The following KCNJ6 variants were observed in gnomAD, a reference collection of about 807,000 sequenced individuals.
KCNJ6 encodes the protein potassium inwardly rectifying channel subfamily J member 6.
A neutral mutation model predicts 34.2 loss-of-function variants in KCNJ6; 9 were observed. The observed-to-expected ratio is 0.26, with a 90% CI of 0.16 to 0.46. The LOEUF (loss-of-function observed/expected upper bound fraction) is 0.46. Among genes scored for constraint, KCNJ6 ranks in the 20% least tolerant of loss-of-function variants. The pLI, the probability that KCNJ6 is intolerant of heterozygous loss-of-function variation, is 1.00. For synonymous variants in KCNJ6, 196 were observed against 207.1 expected, an observed-to-expected ratio of 0.95 and a Z score of 0.46; for missense variants, 236 against 531.3, an observed-to-expected ratio of 0.44 and a Z score of 5.46.
chr21:37,797,528 AATT>A (rs1182501827), intron 2 of KCNJ6, among the ~76,000 whole-genome samples: 1 of 152,202 alleles, frequency 6.6e-6, no homozygotes, highest in African/African-American at 2.4e-5. Context: ...TCCCTGACAG[AATT>A]ATAACACCAA....
At chr21:37,752,464 C>T (rs191574710) in intron 2 of KCNJ6, among the ~76,000 whole-genome samples, 122 of 152,168 alleles carry the variant, frequency 8.0e-4, no homozygotes, top group African/African-American at 2.8e-3. Flanking sequence ...AATAGAGAAG[C>T]CAACAGCAGC....
At chr21:37,711,797 A>ACCC (rs369492998) in intron 3 of KCNJ6, among the ~76,000 whole-genome samples, 6,188 of 142,328 alleles carry the variant, frequency 0.043, 148 homozygotes, top group Non-Finnish European at 0.06. Context: ...ACTTTCTAGA[A>ACCC]CCCCCCCCCC....
intron 2 of KCNJ6, among the ~76,000 whole-genome samples, chr21:37,771,835 A>G (rs2055119204): frequency 6.6e-6 from 1 of 152,200 alleles, no homozygotes; most frequent in African/African-American, 2.4e-5. Context: ...CTCTGGGCAA[A>G]TAAGTCTGAG....
At position 37,667,275 on chromosome 21, in the gene KCNJ6, T is replaced by C. The variant is rs568111849; in HGVS notation, c.947-41791A>G. ...GTGAGTTCCTTTTGTTCCCTCTTCA[T>C]ATATCCAGGCCAGGGTTCCACATTT... On this transcript the variant is annotated intron_variant, in intron 3 of 3. Coordinates refer to ENST00000609713, the MANE Select transcript of KCNJ6 (RefSeq NM_002240.5). Among the ~76,000 whole-genome samples the C allele has an allele frequency of 6.4e-4, 96 of 149,966 alleles. 1 individual carries two copies. The highest frequency in any genetic ancestry group is 2.1e-3 in the African/African-American group (85 of 40,782).
chr21:37,637,194 C>T (rs1195109968), intron 3 of KCNJ6, among the ~76,000 whole-genome samples: 1 of 152,154 alleles, frequency 6.6e-6, no homozygotes, highest in Non-Finnish European at 1.5e-5. Context: ...CAAAAAGAAG[C>T]AGGATAGTGT....
chr21:37,848,736 G>T (rs1452444192), intron 1 of KCNJ6, among the ~76,000 whole-genome samples: 3 of 152,176 alleles, frequency 2.0e-5, no homozygotes, highest in African/African-American at 7.2e-5. Flanking sequence ...CATTGCTCTG[G>T]GTACTTTCTT....
At chr21:37,655,162 C>T (rs1285514200) in intron 3 of KCNJ6, among the ~76,000 whole-genome samples, 4 of 143,554 alleles carry the variant, frequency 2.8e-5, no homozygotes, top group Admixed American at 2.0e-4. Flanking sequence ...AATACACTGC[C>T]TTCACACTCT....
At chr21:37,630,134 C>CTGTGTGTGTG (rs10527592) in intron 3 of KCNJ6, among the ~76,000 whole-genome samples, 2,801 of 144,214 alleles carry the variant, frequency 0.019, 46 homozygotes, top group Middle Eastern at 0.064. Flanking sequence ...GATGACATCT[C>CTGTGTGTGTG]TGTGTGTGTG....
At chr21:37,867,146 T>C (rs2055626663) in intron 1 of KCNJ6, among the ~76,000 whole-genome samples, 1 of 152,374 alleles carries the variant, frequency 6.6e-6, no homozygotes, top group East Asian at 1.9e-4. Flanking sequence ...GTAACATTTA[T>C]ATGATTTCCT....
chr21:37,889,104 G>C (rs1051211839), intron 1 of KCNJ6, among the ~76,000 whole-genome samples: 2 of 152,190 alleles, frequency 1.3e-5, no homozygotes, highest in Non-Finnish European at 2.9e-5. Context: ...GACCTGTGTG[G>C]GTGGTGGCTT....
intron 2 of KCNJ6, among the ~76,000 whole-genome samples, chr21:37,776,948 G>T (rs1373480032): frequency 1.3e-5 from 2 of 152,146 alleles, no homozygotes; most frequent in East Asian, 3.8e-4. Context: ...CGTACCTCTG[G>T]TAGAATTTGG....
intron 2 of KCNJ6, among the ~76,000 whole-genome samples, chr21:37,803,559 G>A (rs1026571357): frequency 6.6e-5 from 10 of 152,094 alleles, no homozygotes; most frequent in African/African-American, 7.2e-5. Context: ...GTATTTCACC[G>A]TAGGAATTTG....
At chr21:37,636,680 T>C (rs890167205) in intron 3 of KCNJ6, among the ~76,000 whole-genome samples, 7 of 152,192 alleles carry the variant, frequency 4.6e-5, no homozygotes, top group African/African-American at 1.7e-4. Context: ...CTAAGGAATG[T>C]GCCATAGGCA....
intron 2 of KCNJ6, among the ~76,000 whole-genome samples, chr21:37,749,592 AGACTGC>A (rs2123482045): frequency 6.6e-6 from 1 of 152,276 alleles, no homozygotes; most frequent in East Asian, 1.9e-4. Flanking sequence ...AAGAGGATTT[AGACTGC>A]AGTGTAAAGG....
intron 2 of KCNJ6, among the ~76,000 whole-genome samples, chr21:37,751,606 C>T (rs1892101707): frequency 6.6e-6 from 1 of 152,210 alleles, no homozygotes. Context: ...CGGGATGCTC[C>T]AACTCTGAGG....
chr21:37,826,677 TG>T (rs2055400614), intron 2 of KCNJ6, among the ~76,000 whole-genome samples: 1 of 152,098 alleles, frequency 6.6e-6, no homozygotes, highest in Non-Finnish European at 1.5e-5. Flanking sequence ...TTCTGATGAA[TG>T]CAACTCTCGA....
chr21:37,873,672 A>T (rs565481459), intron 1 of KCNJ6, among the ~76,000 whole-genome samples: 19 of 152,162 alleles, frequency 1.2e-4, no homozygotes, highest in African/African-American at 4.6e-4. Flanking sequence ...TGAGCAAATT[A>T]TTGACTTTCT....
At chr21:37,786,048 G>A (rs535758384) in intron 2 of KCNJ6, among the ~76,000 whole-genome samples, 1 of 152,210 alleles carries the variant, frequency 6.6e-6, no homozygotes, top group African/African-American at 2.4e-5. Flanking sequence ...AAAATATTTT[G>A]TTATGGCAGC....
chr21:37,715,143 G>GAGAAA lies in KCNJ6; in HGVS notation c.26-17_26-13dup, dbSNP rs780340987. ...CTCCAGGACGTTAGCTGGTGGTTTG[G>GAGAAA]AGAAAAGAAAAGAAACACTGAATGA... On this transcript the variant is annotated splice_polypyrimidine_tract_variant and intron_variant, in intron 2 of 3. Transcript: ENST00000609713. The GAGAAA allele has an allele frequency of 6.3e-7, 1 of 1,598,950 alleles. No individual in the cohort carries two copies. The highest frequency in any genetic ancestry group is 2.2e-5 in the East Asian group (1 of 44,720).
Sources: allele counts gnomAD v4.1 joint callset (sites outside exome capture counted in the v4.1 genomes callset), GRCh38; gene constraint gnomAD v4.1.1; transcripts MANE v1.5; gene names NCBI Gene and HGNC (gene_info 2026-07-23, HGNC 2026-07-21).